Variants in GRAMD1B observed in about 807,000 individuals in gnomAD.
The protein encoded by GRAMD1B is protein Aster-B.
A neutral mutation model predicts 99.7 loss-of-function variants in GRAMD1B; 37 were observed. The observed-to-expected ratio is 0.37, with a 90% confidence interval of 0.29 to 0.49. The LOEUF (loss-of-function observed/expected upper bound fraction) is 0.49, where lower values mean the gene tolerates loss of function less well. GRAMD1B is among the 20% of genes least tolerant of loss of function. The pLI, the probability that GRAMD1B is intolerant of heterozygous loss-of-function variation, is 0.98. For synonymous variants in GRAMD1B, 427 were observed against 387.6 expected, an observed-to-expected ratio of 1.10 and a Z score of -1.19; for missense variants, 888 against 1,009.2, an observed-to-expected ratio of 0.88 and a Z score of 1.63.
intron 1 of GRAMD1B, among the ~76,000 whole-genome samples, chr11:123,419,324 A>G (rs1238083888): frequency 2.0e-5 from 3 of 152,144 alleles, no homozygotes; most frequent in African/African-American, 7.2e-5. Context: ...GGAACTCATC[A>G]TTTATTTTTG....
intron 1 of GRAMD1B, among the ~76,000 whole-genome samples, chr11:123,468,764 C>A (rs3016381): frequency 0.055 from 8,071 of 146,328 alleles, 239 homozygotes; most frequent in African/African-American, 0.07. Context: ...GCCACTGCAT[C>A]CAGCCAGGGT....
chr11:123,431,031 T>G lies in GRAMD1B; in HGVS notation c.239T>G (p.Ile80Ser). Residue 80 changes from isoleucine (I) to serine (S), a missense_variant, in exon 1 of 20, where the codon ATC becomes AGC. Ile to Ser is a moderately radical substitution (Grantham distance 142). Around this residue, in one of 5 missense-constraint regions of GRAMD1B, gnomAD observed 233 missense variants for 154.6 expected, o/e 1.51. Transcript: ENST00000635736. ...AAGGAGTTCCTGCAGCTGCCGTCCATCGAGATCACGCCCTCCAGCGACGAG... is the reference window on the plus strand; with the variant it reads ...AAGGAGTTCCTGCAGCTGCCGTCCAGCGAGATCACGCCCTCCAGCGACGAG... ...PGKEFLQLPS[I>S]EITPSSDEDT... 1.4e-6 allele frequency: 1 copy of G among 702,890 alleles called. No individual in the cohort carries two copies. The highest frequency in any genetic ancestry group is 1.5e-5 in the South Asian group (1 of 67,598). The allele number at this position is 702,890 out of a possible 1,614,324, so 43.5% of individuals were successfully genotyped here.
Position 123,481,244 on chromosome 11 carries a change from C to A in GRAMD1B, c.452+351C>A, listed in dbSNP as rs1438499254. ...TCGAGGCGGGCGGATCACTTGAGAT[C>A]TGGAGTTCGAGACTAGCCTGGTCAA... On this transcript the variant is annotated intron_variant, in intron 2 of 19. Coordinates refer to ENST00000635736, the MANE Select transcript of GRAMD1B (RefSeq NM_001387025.1). Among the ~76,000 whole-genome samples, 3 of 152,124 alleles carry A rather than the reference C, an allele frequency of 2.0e-5. No homozygotes were observed. The South Asian group carries it at 6.2e-4, about 32-fold the overall frequency.
chr11:123,533,253 G>A (rs1307626121), intron 2 of GRAMD1B, among the ~76,000 whole-genome samples: 1 of 152,090 alleles, frequency 6.6e-6, no homozygotes, highest in Non-Finnish European at 1.5e-5. Flanking sequence ...TTACAGGCGT[G>A]AGCCACCGCG....
chr11:123,477,157 TTCC>T (rs1253675442), intron 1 of GRAMD1B, among the ~76,000 whole-genome samples: 1 of 151,552 alleles, frequency 6.6e-6, no homozygotes, highest in Non-Finnish European at 1.5e-5. Context: ...CTTTCTTTCT[TTCC>T]TCCTTCTTTC....
At chr11:123,486,879 G>A (rs1196455729) in intron 2 of GRAMD1B, among the ~76,000 whole-genome samples, 1 of 152,072 alleles carries the variant, frequency 6.6e-6, no homozygotes, top group Non-Finnish European at 1.5e-5. Flanking sequence ...GAGACCAGCC[G>A]CCAACATGGC....
chr11:123,420,305 G>T (rs1311754884), intron 1 of GRAMD1B, among the ~76,000 whole-genome samples: 1 of 152,106 alleles, frequency 6.6e-6, no homozygotes, highest in Non-Finnish European at 1.5e-5. Flanking sequence ...ACCGATCCCT[G>T]ATGACTCATC....
At chr11:123,368,184 G>T (rs991443545) in intron 1 of GRAMD1B, among the ~76,000 whole-genome samples, 6 of 150,784 alleles carry the variant, frequency 4.0e-5, no homozygotes, top group Non-Finnish European at 5.9e-5. Context: ...AACCCAGGAG[G>T]TGGAGGTTGC....
chr11:123,592,911 T>G (rs1032373411), intron 4 of GRAMD1B, among the ~76,000 whole-genome samples: 1 of 152,116 alleles, frequency 6.6e-6, no homozygotes, highest in Non-Finnish European at 1.5e-5. Context: ...TTAGTTTCTT[T>G]TTTATTTTAT....
At chr11:123,603,774 G>T (rs546635563) in intron 9 of GRAMD1B, among the ~76,000 whole-genome samples, 38 of 152,330 alleles carry the variant, frequency 2.5e-4, no homozygotes, top group African/African-American at 8.9e-4. Context: ...GTTTGGCAAA[G>T]ATAATTGCTA....
chr11:123,454,875 A>G (rs752741490), intron 1 of GRAMD1B: 1 of 152,218 alleles, frequency 6.6e-6, no homozygotes, highest in South Asian at 2.1e-4. Context: ...CATATGTGGG[A>G]ATAGGACTGG....
rs181243518 is a variant in GRAMD1B, at chr11:123,460,857, G to A, written c.375-19959G>A. 3.5e-4 allele frequency among the ~76,000 whole-genome samples: 53 copies of A among 152,250 alleles called. No individual in the cohort carries two copies. In the East Asian group the frequency reaches 6.2e-3, roughly 18 times the overall value. On this transcript the variant is annotated intron_variant, in intron 1 of 19. Coordinates refer to ENST00000635736, the MANE Select transcript of GRAMD1B (RefSeq NM_001387025.1). ...TTCTGCATGAATCCCCTGCTCCTAC[G>A]TTTCCTTTGTCCCTTTAGGACCCAA...
intron 1 of GRAMD1B, among the ~76,000 whole-genome samples, chr11:123,370,620 G>A (rs1056870663): frequency 5.3e-5 from 8 of 152,020 alleles, no homozygotes; most frequent in African/African-American, 1.4e-4. Context: ...GATTACAGGT[G>A]TGAGCCACTG....
chr11:123,468,581 T>A (rs1396631645), intron 1 of GRAMD1B, among the ~76,000 whole-genome samples: 1 of 151,866 alleles, frequency 6.6e-6, no homozygotes, highest in Non-Finnish European at 1.5e-5. Context: ...ATTCCTTGAG[T>A]CCAGGAGTTC....
intron 1 of GRAMD1B, among the ~76,000 whole-genome samples, chr11:123,370,112 C>T (rs1229702486): frequency 1.7e-4 from 25 of 151,044 alleles, no homozygotes; most frequent in Non-Finnish European, 2.8e-4. Flanking sequence ...GTCAGGAGTT[C>T]GAGACCAGCC....
chr11:123,443,303 T>G (rs1055572914), intron 1 of GRAMD1B, among the ~76,000 whole-genome samples: 3 of 152,160 alleles, frequency 2.0e-5, no homozygotes, highest in Admixed American at 1.3e-4. Context: ...ATGAAAAAAG[T>G]CAAACTCTGT....
intron 1 of GRAMD1B, among the ~76,000 whole-genome samples, chr11:123,471,496 G>T (rs770913044): frequency 7.2e-5 from 11 of 152,182 alleles, no homozygotes; most frequent in Non-Finnish European, 1.3e-4. Context: ...CCCAGAAAAA[G>T]AAGTGAAAGT....
chr11:123,557,052 T>C lies in GRAMD1B; in HGVS notation c.453-20315T>C, dbSNP rs1591986185. ...TACAGGCTCTACTACTTAATAACCATGTACTATAGGCAAGTTATTAAACTT... is the reference window on the plus strand; with the variant it reads ...TACAGGCTCTACTACTTAATAACCACGTACTATAGGCAAGTTATTAAACTT... On this transcript the variant is annotated intron_variant, in intron 2 of 19. Transcript: ENST00000635736. 3.3e-5 allele frequency among the ~76,000 whole-genome samples: 5 copies of C among 152,230 alleles called. No homozygotes were observed. The East Asian group carries it at 9.6e-4, about 29-fold the overall frequency.
At chr11:123,579,592 C>G (rs566380562) in intron 3 of GRAMD1B, among the ~76,000 whole-genome samples, 2 of 152,248 alleles carry the variant, frequency 1.3e-5, no homozygotes, top group South Asian at 4.1e-4. Context: ...TGGCAGCCCC[C>G]TCTTGAGTGC....
Sources: gnomAD v4.1 joint callset for allele counts (sites outside exome capture counted in the v4.1 genomes callset) on GRCh38, gnomAD v4.1.1 for gene constraint, gnomAD v4.1.1 regional missense constraint, MANE v1.5 for transcripts, NCBI Gene and HGNC (gene_info 2026-07-23, HGNC 2026-07-21) for gene names.